TFCP2L1: variants seen among roughly 807,000 people sequenced by gnomAD.
TFCP2L1 encodes the protein transcription factor CP2-like protein 1.
Under a neutral mutation model 72.2 loss-of-function variants are expected in TFCP2L1, and 12 were observed. The ratio of observed to expected loss-of-function variants is 0.17; its 90% CI spans 0.11 to 0.27. The LOEUF is 0.27. TFCP2L1 is among the 10% of genes least tolerant of loss of function. The pLI, the probability that TFCP2L1 is intolerant of heterozygous loss-of-function variation, is 1.00. For missense variants in TFCP2L1, 488 were observed against 624.6 expected (o/e 0.78, Z 2.33); for synonymous variants, 260 against 251.0 (o/e 1.04, Z -0.34).
intron 14 of TFCP2L1, among the ~76,000 whole-genome samples, chr2:121,224,768 G>A (rs1411701837): frequency 6.6e-6 from 1 of 152,128 alleles, no homozygotes; most frequent in African/African-American, 2.4e-5. Flanking sequence ...GGATCTCGAG[G>A]TCAGGAGATC....
intron 2 of TFCP2L1, among the ~76,000 whole-genome samples, chr2:121,272,484 G>A (rs1687065246): frequency 6.6e-6 from 1 of 152,150 alleles, no homozygotes. Context: ...TCGTGTGGTT[G>A]TACAGCGAGT....
At chr2:121,282,874 A>G (rs1325348283) in intron 1 of TFCP2L1, among the ~76,000 whole-genome samples, 1 of 152,204 alleles carries the variant, frequency 6.6e-6, no homozygotes, top group Non-Finnish European at 1.5e-5. Context: ...GAGAAGAAAA[A>G]GCCTGGCATT....
intron 6 of TFCP2L1, 72 bp downstream of exon 6, chr2:121,246,746 G>A: frequency 6.3e-7 from 1 of 1,589,282 alleles, no homozygotes; most frequent in Non-Finnish European, 8.6e-7. Context: ...AAACTCCAGG[G>A]TCTCTGTGGG....
chr2:121,236,909 C>A (rs1686261295), intron 10 of TFCP2L1, among the ~76,000 whole-genome samples: 1 of 152,234 alleles, frequency 6.6e-6, no homozygotes, highest in African/African-American at 2.4e-5. Context: ...GTTTATGCAT[C>A]TGTACTGACT....
intron 2 of TFCP2L1, among the ~76,000 whole-genome samples, chr2:121,253,365 A>C (rs1051000387): frequency 6.6e-6 from 1 of 152,222 alleles, no homozygotes; most frequent in African/African-American, 2.4e-5. Context: ...TTGCTTCCCT[A>C]TTCAACATGG....
chr2:121,248,916 A>C lies in TFCP2L1; in HGVS notation c.397+66T>G. 3.0e-6 allele frequency: 4 copies of C among 1,321,460 alleles called. No homozygotes were observed. In the South Asian group the frequency reaches 5.9e-5, roughly 20 times the overall value. 81.9% of individuals were successfully genotyped at this position (1,321,460 alleles called of 1,614,324 possible). A position where few individuals can be genotyped will look rare whatever the true frequency, so the allele number is the denominator to read the frequency against. Reference sequence around the variant, plus strand: ...CTCGGCATAGGTCCGGGTGGCATCCAGGAAGAACCCAATGTGGCCTGGGTG... The same window carrying C: ...CTCGGCATAGGTCCGGGTGGCATCCCGGAAGAACCCAATGTGGCCTGGGTG... On this transcript the variant is annotated intron_variant, in intron 4 of 14. Transcript: ENST00000263707.
intron 2 of TFCP2L1, among the ~76,000 whole-genome samples, chr2:121,266,588 T>G (rs1335875593): frequency 6.6e-6 from 1 of 152,200 alleles, no homozygotes; most frequent in Non-Finnish European, 1.5e-5. Context: ...TAGCAAGGTT[T>G]TGATGCTTCA....
intron 2 of TFCP2L1, 28 bp from the exon 3 acceptor site, chr2:121,249,675 C>T: frequency 1.9e-6 from 3 of 1,611,244 alleles, no homozygotes; most frequent in Non-Finnish European, 1.7e-6. Flanking sequence ...GGACATTTTC[C>T]ATTTCTGAGT....
At chr2:121,256,706 G>T (rs528963010) in intron 2 of TFCP2L1, among the ~76,000 whole-genome samples, 4 of 152,018 alleles carry the variant, frequency 2.6e-5, no homozygotes, top group African/African-American at 9.7e-5. Flanking sequence ...GAACCAGGAG[G>T]CGGAGGTTGC....
At chr2:121,275,849 G>C (rs1687136375) in intron 2 of TFCP2L1, among the ~76,000 whole-genome samples, 1 of 152,186 alleles carries the variant, frequency 6.6e-6, no homozygotes, top group Non-Finnish European at 1.5e-5. Flanking sequence ...GGGATTACAG[G>C]CGTGAGCCAC....
chr2:121,234,240 G>T, intron 11 of TFCP2L1, 46 bp from the exon 12 acceptor site: 1 of 1,551,198 alleles, frequency 6.4e-7, no homozygotes, highest in Non-Finnish European at 8.9e-7. Flanking sequence ...TGGACCAGGC[G>T]CAGTTGTTTC....
intron 1 of TFCP2L1, among the ~76,000 whole-genome samples, chr2:121,281,770 A>C (rs969931506): frequency 5.3e-5 from 8 of 152,142 alleles, no homozygotes; most frequent in Non-Finnish European, 7.4e-5. Context: ...CAAATGAACA[A>C]ACCACTTCCT....
chr2:121,265,776 G>A (rs1686918254), intron 2 of TFCP2L1, among the ~76,000 whole-genome samples: 1 of 152,000 alleles, frequency 6.6e-6, no homozygotes, highest in South Asian at 2.1e-4. Flanking sequence ...GAGCCACCGT[G>A]CCTGGCCAAG....
chr2:121,228,201 A>G (rs1221032105), intron 13 of TFCP2L1, among the ~76,000 whole-genome samples: 1 of 152,196 alleles, frequency 6.6e-6, no homozygotes, highest in Non-Finnish European at 1.5e-5. Flanking sequence ...CACTTGCTTC[A>G]CTGCCTACTC....
At chr2:121,233,398 CAA>C (rs1341265335) in intron 12 of TFCP2L1, among the ~76,000 whole-genome samples, 1 of 152,164 alleles carries the variant, frequency 6.6e-6, no homozygotes, top group East Asian at 1.9e-4. Flanking sequence ...CTCCTGACCT[CAA>C]GTGATCTGCC....
rs1381657018 is a variant in TFCP2L1 at position 121,224,158 on chromosome 2, G to GC, written c.*182_*183insG. On this transcript the variant is annotated 3_prime_UTR_variant, in exon 15 of 15. Transcript: ENST00000263707. Reference sequence around the variant, plus strand: ...GGGAGAAAGGAGCCACTGGCTTTCTGTACACCGTACTTGGTGTCCACAGGC... The same window carrying GC: ...GGGAGAAAGGAGCCACTGGCTTTCTGCTACACCGTACTTGGTGTCCACAGGC... The GC allele has an allele frequency of 3.2e-6, 2 of 630,748 alleles. No individual in the cohort carries two copies. The highest frequency in any genetic ancestry group is 3.7e-5 in the African/African-American group (2 of 54,372). The allele number at this position is 630,748 out of a possible 1,614,324, so 39.1% of individuals were successfully genotyped here. A position where few individuals can be genotyped will look rare whatever the true frequency, so the allele number is the denominator to read the frequency against.
intron 8 of TFCP2L1, among the ~76,000 whole-genome samples, chr2:121,238,987 C>G (rs1686307210): frequency 6.6e-6 from 1 of 152,122 alleles, no homozygotes; most frequent in Non-Finnish European, 1.5e-5. Flanking sequence ...GCATGCAGAG[C>G]CATCACGGTG....
chr2:121,268,609 C>A (rs917673518), intron 2 of TFCP2L1, among the ~76,000 whole-genome samples: 1 of 151,842 alleles, frequency 6.6e-6, no homozygotes, highest in African/African-American at 2.4e-5. Flanking sequence ...CCAGGCTATA[C>A]TGAGGTAAGT....
chr2:121,268,360 T>A (rs1346884952), intron 2 of TFCP2L1, among the ~76,000 whole-genome samples: 1 of 152,126 alleles, frequency 6.6e-6, no homozygotes, highest in South Asian at 2.1e-4. Flanking sequence ...CCCATTTATT[T>A]ATTTATTTAT....
Sources: allele counts gnomAD v4.1 joint callset (sites outside exome capture counted in the v4.1 genomes callset), GRCh38; gene constraint gnomAD v4.1.1; transcripts MANE v1.5; gene names NCBI Gene and HGNC (gene_info 2026-07-23, HGNC 2026-07-21).